The following DDAH1 variants were observed in gnomAD, a reference collection of about 807,000 sequenced individuals.
DDAH1 encodes the protein N(G),N(G)-dimethylarginine dimethylaminohydrolase 1.
DDAH1 carries 19 observed loss-of-function variants against 28.8 expected under a neutral mutation model. The observed-to-expected ratio is 0.66, with a 90% CI of 0.46 to 0.97. DDAH1 has a LOEUF of 0.97. Ranked by LOEUF, DDAH1 falls within the 50% of genes least tolerant of loss-of-function variation. The pLI, the probability that DDAH1 is intolerant of heterozygous loss-of-function variation, is 0.00. For missense variants in DDAH1, 326 were observed against 375.9 expected (o/e 0.87, Z 1.10); for synonymous variants, 153 against 154.4 (o/e 0.99, Z 0.07).
rs1313484595 is a variant in DDAH1 at position 85,321,479 on chromosome 1, A to T, written c.831T>A (p.Val277=). The stretch of plus-strand genomic sequence containing the variant: ...AGGAGTCTACTTTCTTGTTAATTAA[A>T]ACTGAGCAGCAGGTGAGCAGCCCAT... ...KVDGLLTCCS[V]LINKKVDS Residue 277 remains valine (V), a synonymous_variant, in exon 6 of 6, where the codon GTT becomes GTA. Coordinates refer to ENST00000284031, the MANE Select transcript of DDAH1 (RefSeq NM_012137.4). 2 of 1,614,082 alleles carry T rather than the reference A, an allele frequency of 1.2e-6. No homozygotes were observed. Among genetic ancestry groups the T allele is most frequent in the Non-Finnish European group, 1.7e-6 (2 of 1,179,908 alleles).
chr1:85,375,013 A>G (rs147475119), intron 1 of DDAH1, among the ~76,000 whole-genome samples: 1 of 152,284 alleles, frequency 6.6e-6, no homozygotes, highest in Non-Finnish European at 1.5e-5. Context: ...TTAAATATTT[A>G]AAGAAATACT....
At chr1:85,341,836 C>CA (rs1290447254) in intron 4 of DDAH1, among the ~76,000 whole-genome samples, 2 of 146,102 alleles carry the variant, frequency 1.4e-5, no homozygotes, top group Non-Finnish European at 3.1e-5. Context: ...AAGAGAAAAA[C>CA]AAAAACAAAA....
chr1:85,446,583 CAA>C (rs1654436947), intron 1 of DDAH1, among the ~76,000 whole-genome samples: 1 of 152,154 alleles, frequency 6.6e-6, no homozygotes, highest in African/African-American at 2.4e-5. Context: ...TATCCTTTGG[CAA>C]CATCACGCCA....
intron 1 of DDAH1, among the ~76,000 whole-genome samples, chr1:85,497,719 C>G (rs1656649861): frequency 6.6e-6 from 1 of 152,134 alleles, no homozygotes; most frequent in Non-Finnish European, 1.5e-5. Flanking sequence ...ACAATACTTG[C>G]AGATTTAAGG....
chr1:85,439,044 T>C (rs1654072884), intron 1 of DDAH1, among the ~76,000 whole-genome samples: 1 of 152,230 alleles, frequency 6.6e-6, no homozygotes, highest in South Asian at 2.1e-4. Flanking sequence ...ATTTGAAAAC[T>C]GTGATAATAT....
At chr1:85,364,833 C>T (rs1445318068) in intron 1 of DDAH1, among the ~76,000 whole-genome samples, 3 of 152,182 alleles carry the variant, frequency 2.0e-5, no homozygotes, top group African/African-American at 7.2e-5. Context: ...CATGAGCCAC[C>T]ATGCCTGGCT....
intron 1 of DDAH1, among the ~76,000 whole-genome samples, chr1:85,386,088 T>C (rs1651242699): frequency 6.6e-6 from 1 of 152,194 alleles, no homozygotes; most frequent in Admixed American, 6.5e-5. Flanking sequence ...CCTCTTAACA[T>C]TGGGAATAAA....
At position 85,533,747 on chromosome 1, in the gene DDAH1, T is replaced by G. The variant is rs376752839; in HGVS notation, c.-122-37466A>C. On this transcript the variant is annotated intron_variant, in intron 1 of 6. Transcript: ENST00000426972. ...TGCAAGATACCTATTCTGCCCTACTTGGCTCCTTCCTATTTAAATGAGCTT... is the reference window on the plus strand; with the variant it reads ...TGCAAGATACCTATTCTGCCCTACTGGGCTCCTTCCTATTTAAATGAGCTT... 4.8e-3 allele frequency among the ~76,000 whole-genome samples: 726 copies of G among 152,312 alleles called. 5 individuals are homozygous for G. The highest frequency in any genetic ancestry group is 0.017 in the African/African-American group (693 of 41,568).
intron 2 of DDAH1, among the ~76,000 whole-genome samples, chr1:85,471,772 A>G (rs1247425060): frequency 6.6e-6 from 1 of 152,230 alleles, no homozygotes; most frequent in Non-Finnish European, 1.5e-5. Context: ...TGATAGGGAC[A>G]CTGCAAACAC....
At chr1:85,366,798 A>G (rs900502358) in intron 1 of DDAH1, among the ~76,000 whole-genome samples, 3 of 152,218 alleles carry the variant, frequency 2.0e-5, no homozygotes, top group Non-Finnish European at 4.4e-5. Flanking sequence ...GAAGATTCCA[A>G]TGCAGTGGGA....
At chr1:85,390,028 T>A (rs1231484634) in intron 1 of DDAH1, among the ~76,000 whole-genome samples, 1 of 152,198 alleles carries the variant, frequency 6.6e-6, no homozygotes, top group Non-Finnish European at 1.5e-5. Flanking sequence ...AAATAAATTC[T>A]AGTCGTTTTT....
chr1:85,334,516 G>A (rs939483679), intron 4 of DDAH1, among the ~76,000 whole-genome samples: 1 of 152,298 alleles, frequency 6.6e-6, no homozygotes, highest in African/African-American at 2.4e-5. Context: ...GATTGGTCAT[G>A]GGGGCAGATT....
chr1:85,469,859 T>C (rs1361764340), upstream of DDAH1, among the ~76,000 whole-genome samples: 1 of 152,236 alleles, frequency 6.6e-6, no homozygotes, highest in Non-Finnish European at 1.5e-5. Context: ...TTCCTTTTCC[T>C]CTTCTGGACA....
intron 1 of DDAH1, among the ~76,000 whole-genome samples, chr1:85,382,518 A>T (rs1467402073): frequency 6.6e-6 from 1 of 152,258 alleles, no homozygotes; most frequent in Non-Finnish European, 1.5e-5. Flanking sequence ...GCAAGAAGTT[A>T]TTCAGAAGAT....
intron 2 of DDAH1, among the ~76,000 whole-genome samples, chr1:85,480,480 C>T (rs1278619004): frequency 6.6e-6 from 1 of 152,160 alleles, no homozygotes; most frequent in Non-Finnish European, 1.5e-5. Context: ...TGCGGTGGCT[C>T]ACATCTATAA....
At chr1:85,537,888 A>G (rs1464072608) in intron 1 of DDAH1, among the ~76,000 whole-genome samples, 1 of 151,648 alleles carries the variant, frequency 6.6e-6, no homozygotes, top group Admixed American at 6.6e-5. Context: ...GAAACAAAAA[A>G]CCAAAAAACA....
At chr1:85,339,723 A>G (rs1263901712) in intron 4 of DDAH1, among the ~76,000 whole-genome samples, 1 of 152,204 alleles carries the variant, frequency 6.6e-6, no homozygotes, top group Admixed American at 6.5e-5. Flanking sequence ...TTTAGTGTCT[A>G]TGTTTCACCC....
intron 1 of DDAH1, among the ~76,000 whole-genome samples, chr1:85,377,955 T>C (rs569803444): frequency 1.3e-5 from 2 of 152,342 alleles, no homozygotes; most frequent in South Asian, 4.1e-4. Context: ...AACGTGAGCA[T>C]AAAACATGTC....
chr1:85,556,978 G>A (rs1365747940), intron 1 of DDAH1, among the ~76,000 whole-genome samples: 1 of 152,128 alleles, frequency 6.6e-6, no homozygotes, highest in African/African-American at 2.4e-5. Flanking sequence ...TTAGCCAGGC[G>A]TAGTGGTGGG....
Sources: allele counts gnomAD v4.1 joint callset (sites outside exome capture counted in the v4.1 genomes callset), GRCh38; gene constraint gnomAD v4.1.1; transcripts MANE v1.5; gene names NCBI Gene and HGNC (gene_info 2026-07-23, HGNC 2026-07-21).